The following PDE4D variants were observed in gnomAD, a reference collection of about 807,000 sequenced individuals.
PDE4D encodes the protein 3',5'-cyclic-AMP phosphodiesterase 4D.
Under a neutral mutation model 87.4 loss-of-function variants are expected in PDE4D, and 24 were observed. The observed-to-expected ratio is 0.27, with a 90% CI of 0.20 to 0.39. The LOEUF (loss-of-function observed/expected upper bound fraction) is 0.39. Among genes scored for constraint, PDE4D ranks in the 10% least tolerant of loss-of-function variants. The pLI is 1.00. For missense variants in PDE4D, 714 were observed against 1,041.0 expected (o/e 0.69, Z 4.32); for synonymous variants, 384 against 383.2 (o/e 1.00, Z -0.02).
rs886425149 is a variant in PDE4D, at chr5:59,876,138, T to C, written c.455+17030A>G. ...CTTAAAAGGACAACAACAACATATA[T>C]ATTCTATAACTTTTCTAAGTTCCAT... On this transcript the variant is annotated intron_variant, in intron 1 of 14. Transcript: ENST00000340635. 2.0e-5 allele frequency among the ~76,000 whole-genome samples: 3 copies of C among 152,166 alleles called. No individual in the cohort carries two copies. The East Asian group carries it at 5.8e-4, about 29-fold the overall frequency.
intron 6 of PDE4D, among the ~76,000 whole-genome samples, chr5:59,016,441 C>CG (rs1483725185): frequency 3.6e-5 from 5 of 138,406 alleles, no homozygotes; most frequent in African/African-American, 1.3e-4. Context: ...TGCTGCCTCA[C>CG]GGTCAGTATC....
intron 5 of PDE4D, chr5:59,125,216 A>G (rs1015027815): frequency 7.6e-6 from 7 of 918,712 alleles, no homozygotes; most frequent in Non-Finnish European, 9.1e-6. Context: ...GGTGTCCATA[A>G]TCAAATTTAC....
At chr5:60,098,408 A>T (rs1374444693) in intron 2 of PDE4D, among the ~76,000 whole-genome samples, 1 of 151,968 alleles carries the variant, frequency 6.6e-6, no homozygotes, top group African/African-American at 2.4e-5. Flanking sequence ...TTCTTCTAAT[A>T]CATAGACATA....
chr5:59,365,827 T>C (rs188153984), intron 1 of PDE4D, among the ~76,000 whole-genome samples: 67 of 152,234 alleles, frequency 4.4e-4, no homozygotes, highest in African/African-American at 1.6e-3. Flanking sequence ...AACATATCAG[T>C]AGTGCTCACA....
At chr5:60,143,603 TTGTGTGTGTGTGTGTGTG>T (rs34236719) in intron 2 of PDE4D, among the ~76,000 whole-genome samples, 26 of 117,756 alleles carry the variant, frequency 2.2e-4, no homozygotes, top group South Asian at 6.2e-4. Context: ...AGCTTGGGAA[TTGTGTGTGTGTGTGTGTG>T]TGTGTGTGTG....
At chr5:59,824,934 T>C (rs1770142831) in intron 1 of PDE4D, among the ~76,000 whole-genome samples, 1 of 152,200 alleles carries the variant, frequency 6.6e-6, no homozygotes, top group Non-Finnish European at 1.5e-5. Context: ...AATAGAGGTG[T>C]CCTCTTTCTT....
At chr5:59,141,305 T>A (rs1777855504) in intron 5 of PDE4D, among the ~76,000 whole-genome samples, 1 of 152,250 alleles carries the variant, frequency 6.6e-6, no homozygotes, top group Admixed American at 6.5e-5. Context: ...ACTAAGAGTT[T>A]TCAGGCTGTT....
intron 1 of PDE4D, among the ~76,000 whole-genome samples, chr5:59,420,139 A>T (rs182066216): frequency 1.3e-5 from 2 of 152,256 alleles, no homozygotes; most frequent in Admixed American, 1.3e-4. Context: ...AACTGTACTG[A>T]ATTGCTCTTT....
intron 1 of PDE4D, among the ~76,000 whole-genome samples, chr5:60,198,840 G>A (rs1015253518): frequency 1.3e-5 from 2 of 151,574 alleles, no homozygotes; most frequent in Admixed American, 1.3e-4. Flanking sequence ...CAAGCATTGG[G>A]TTTTTTAGGA....
At chr5:59,198,241 G>A (rs1745906457) in intron 2 of PDE4D, among the ~76,000 whole-genome samples, 1 of 152,226 alleles carries the variant, frequency 6.6e-6, no homozygotes, top group African/African-American at 2.4e-5. Flanking sequence ...GAGTGTTCAT[G>A]GAGGACAGGC....
At chr5:59,769,505 C>T (rs1245271646) in intron 1 of PDE4D, among the ~76,000 whole-genome samples, 1 of 152,110 alleles carries the variant, frequency 6.6e-6, no homozygotes, top group Non-Finnish European at 1.5e-5. Flanking sequence ...CCTTTATTGC[C>T]TTTTAATGTA....
At chr5:59,840,234 C>CTA (rs1742768544) in intron 1 of PDE4D, among the ~76,000 whole-genome samples, 1 of 145,006 alleles carries the variant, frequency 6.9e-6, no homozygotes, top group Non-Finnish European at 1.5e-5. Flanking sequence ...ACGTGCACTG[C>CTA]CACACACACA....
intron 2 of PDE4D, among the ~76,000 whole-genome samples, chr5:60,179,714 T>TAAAC (rs889385217): frequency 1.3e-5 from 2 of 152,150 alleles, no homozygotes; most frequent in African/African-American, 4.8e-5. Context: ...GGAAACAATG[T>TAAAC]AAACACACTA....
intron 2 of PDE4D, among the ~76,000 whole-genome samples, chr5:60,075,589 T>C (rs764083944): frequency 6.6e-6 from 1 of 152,180 alleles, no homozygotes; most frequent in Admixed American, 6.5e-5. Context: ...TGGATGATAT[T>C]CTGAAATATG....
intron 1 of PDE4D, among the ~76,000 whole-genome samples, chr5:60,200,066 A>G (rs1297278108): frequency 1.3e-5 from 2 of 151,632 alleles, no homozygotes. Flanking sequence ...AGTCCACTTC[A>G]CTCCTAACAC....
chr5:60,472,533 C>T (rs1474054935), intron 1 of PDE4D, among the ~76,000 whole-genome samples: 2 of 152,160 alleles, frequency 1.3e-5, no homozygotes, highest in African/African-American at 4.8e-5. Context: ...TGGTTAAGGA[C>T]ATCAATCCTG....
At chr5:59,394,853 G>C (rs1401251291) in intron 1 of PDE4D, among the ~76,000 whole-genome samples, 11 of 152,058 alleles carry the variant, frequency 7.2e-5, no homozygotes, top group Admixed American at 7.2e-4. Context: ...CCAGACAGTA[G>C]GCGCAGGTCA....
intron 1 of PDE4D, among the ~76,000 whole-genome samples, chr5:60,195,841 C>T (rs1295310648): frequency 2.6e-5 from 4 of 151,712 alleles, no homozygotes; most frequent in Admixed American, 6.6e-5. Context: ...GAACACTTCT[C>T]TTTAAGTTAT....
chr5:60,223,499 A>T (rs1407377221), intron 1 of PDE4D, among the ~76,000 whole-genome samples: 1 of 152,102 alleles, frequency 6.6e-6, no homozygotes, highest in Non-Finnish European at 1.5e-5. Flanking sequence ...CATCAGGCTC[A>T]TGATGACCCA....
Sources: allele counts gnomAD v4.1 joint callset (sites outside exome capture counted in the v4.1 genomes callset), GRCh38; gene constraint gnomAD v4.1.1; transcripts MANE v1.5; gene names NCBI Gene and HGNC (gene_info 2026-07-23, HGNC 2026-07-21).